Variants in SLC12A8 observed in about 807,000 individuals in gnomAD.
SLC12A8 encodes cation-chloride cotransporter 9.
A neutral mutation model predicts 75.6 loss-of-function variants in SLC12A8; 69 were observed. The ratio of observed to expected loss-of-function variants is 0.91; its 90% CI spans 0.75 to 1.11. The LOEUF (loss-of-function observed/expected upper bound fraction) is 1.11, where lower values mean the gene tolerates loss of function less well. SLC12A8 is among the 50% of genes most tolerant of loss of function. The pLI is 0.00. For missense variants in SLC12A8, 877 were observed against 896.7 expected, an observed-to-expected ratio of 0.98 and a Z score of 0.28; for synonymous variants, 365 against 372.8, an observed-to-expected ratio of 0.98 and a Z score of 0.24.
intron 5 of SLC12A8, among the ~76,000 whole-genome samples, chr3:125,141,900 G>A (rs568013736): frequency 6.6e-6 from 1 of 152,210 alleles, no homozygotes; most frequent in Admixed American, 6.5e-5. Flanking sequence ...CAGGAAGAGC[G>A]GCTCTGCGAG....
intron 10 of SLC12A8, among the ~76,000 whole-genome samples, chr3:125,096,318 CTAT>C (rs1275225009): frequency 6.6e-6 from 1 of 152,198 alleles, no homozygotes; most frequent in Non-Finnish European, 1.5e-5. Flanking sequence ...TCCCATTACT[CTAT>C]TATTATTCAT....
At chr3:125,132,999 G>T (rs534714354) in intron 6 of SLC12A8, among the ~76,000 whole-genome samples, 42 of 152,254 alleles carry the variant, frequency 2.8e-4, no homozygotes, top group African/African-American at 8.7e-4. Context: ...AAAAATGCAC[G>T]CTGCATTTAG....
chr3:125,200,594 T>C (rs1003876720), intron 2 of SLC12A8, among the ~76,000 whole-genome samples: 4 of 152,342 alleles, frequency 2.6e-5, no homozygotes, highest in Admixed American at 2.0e-4. Context: ...GTCATTTTAT[T>C]CAGTGGATGA....
intron 5 of SLC12A8, among the ~76,000 whole-genome samples, chr3:125,143,567 G>A (rs1481725316): frequency 6.6e-6 from 1 of 152,368 alleles, no homozygotes; most frequent in East Asian, 1.9e-4. Context: ...ATACACAGAG[G>A]GAGGGCTGGG....
chr3:125,114,430 G>A (rs534613648), intron 8 of SLC12A8, among the ~76,000 whole-genome samples: 2 of 152,278 alleles, frequency 1.3e-5, no homozygotes, highest in South Asian at 4.1e-4. Context: ...TTTTAGGGGG[G>A]TTTTGTATTT....
At chr3:125,098,554 C>CCACACA (rs3222429) in intron 10 of SLC12A8, among the ~76,000 whole-genome samples, 10,520 of 143,894 alleles carry the variant, frequency 0.073, 416 homozygotes, top group South Asian at 0.12. Flanking sequence ...TGAATCTTCT[C>CCACACA]CACACACACA....
At chr3:125,110,094 T>C (rs1939148980) in intron 9 of SLC12A8, 95 bp downstream of exon 9, 2 of 1,290,632 alleles carry the variant, frequency 1.5e-6, no homozygotes, top group African/African-American at 3.0e-5. Flanking sequence ...GACCAGAGGC[T>C]CTGATCAGAA....
At chr3:125,188,889 G>C (rs1011768141) in intron 3 of SLC12A8, among the ~76,000 whole-genome samples, 2 of 152,216 alleles carry the variant, frequency 1.3e-5, no homozygotes, top group Non-Finnish European at 2.9e-5. Flanking sequence ...TGTAGAATGA[G>C]AGCTTAGGAA....
chr3:125,131,638 T>C (rs1933360779), intron 6 of SLC12A8, among the ~76,000 whole-genome samples: 2 of 152,158 alleles, frequency 1.3e-5, no homozygotes, highest in Non-Finnish European at 1.5e-5. Flanking sequence ...TCTGCCCACG[T>C]CATCCTCCCA....
intron 5 of SLC12A8, among the ~76,000 whole-genome samples, chr3:125,143,305 G>A (rs1027346350): frequency 2.0e-5 from 3 of 152,350 alleles, no homozygotes; most frequent in Middle Eastern, 3.4e-3. Flanking sequence ...CGGCTGTATT[G>A]CGTTGGACTG....
In SLC12A8 at chr3:125,194,314, C is replaced by T. The variant is rs534589643; in HGVS notation, c.52-3793G>A. Reference sequence around the variant, plus strand: ...CAGGACAAGAAGCCAGACTCCTGTCCCTCTGAGCCCAGGGGCCTGCGCCCC... The same window carrying T: ...CAGGACAAGAAGCCAGACTCCTGTCTCTCTGAGCCCAGGGGCCTGCGCCCC... On this transcript the variant is annotated intron_variant, in intron 2 of 13. Coordinates refer to ENST00000469902, the MANE Select transcript of SLC12A8 (RefSeq NM_024628.6). 2.7e-4 allele frequency among the ~76,000 whole-genome samples: 41 copies of T among 152,334 alleles called. 1 individual carries two copies. In the South Asian group the frequency reaches 6.8e-3, roughly 25 times the overall value.
intron 4 of SLC12A8, among the ~76,000 whole-genome samples, chr3:125,185,095 C>T (rs926613001): frequency 5.9e-5 from 9 of 152,022 alleles, no homozygotes; most frequent in South Asian, 2.1e-4. Context: ...CCGAGGCGGG[C>T]GGATCACCTC....
At chr3:125,110,764 A>G (rs1056983080) in intron 8 of SLC12A8, 1 of 155,480 alleles carries the variant, frequency 6.4e-6, no homozygotes, top group African/African-American at 2.4e-5. Flanking sequence ...AGATGAGTTT[A>G]AATCTTCAGA....
At chr3:125,162,224 A>AT (rs755508346) in intron 5 of SLC12A8, among the ~76,000 whole-genome samples, 4 of 152,158 alleles carry the variant, frequency 2.6e-5, no homozygotes, top group Non-Finnish European at 4.4e-5. Flanking sequence ...TTTTTGATTC[A>AT]TCCTTAATTC....
At chr3:125,131,984 G>T (rs957186177) in intron 6 of SLC12A8, among the ~76,000 whole-genome samples, 7 of 152,166 alleles carry the variant, frequency 4.6e-5, no homozygotes, top group African/African-American at 1.4e-4. Context: ...TAAGCATAGG[G>T]TTCCCAATCT....
In SLC12A8 at chr3:125,083,244, C is replaced by T. The variant is rs1200754206; in HGVS notation, c.*646G>A. 1 of 152,120 alleles carries T rather than the reference C, an allele frequency of 6.6e-6. No individual in the cohort carries two copies. The highest frequency in any genetic ancestry group is 2.4e-5 in the African/African-American group (1 of 41,402). The allele number at this position is 152,120 out of a possible 1,614,324, so 9.4% of individuals were successfully genotyped here. ...CATACACTTATTGTGGCCCTCTGCACAAGCAATCTGGTTGTGCAGAGTCTT... is the reference window on the plus strand; with the variant it reads ...CATACACTTATTGTGGCCCTCTGCATAAGCAATCTGGTTGTGCAGAGTCTT... On this transcript the variant is annotated 3_prime_UTR_variant, in exon 14 of 14. Coordinates refer to ENST00000469902, the MANE Select transcript of SLC12A8 (RefSeq NM_024628.6).
In SLC12A8 at chr3:125,198,944, AT is replaced by A. The variant is rs534695218; in HGVS notation, c.52-8424del. ...AGGCACCCGCCACCACGCCCGGCTAATTTTTTTGAATTTTTAGTAGAGATGG... is the reference window on the plus strand; with the variant it reads ...AGGCACCCGCCACCACGCCCGGCTAATTTTTTGAATTTTTAGTAGAGATGG... On this transcript the variant is annotated intron_variant, in intron 2 of 13. Coordinates refer to ENST00000469902, the MANE Select transcript of SLC12A8 (RefSeq NM_024628.6). 8.8e-3 allele frequency among the ~76,000 whole-genome samples: 1,328 copies of A among 151,702 alleles called. 21 individuals are homozygous for A. The highest frequency in any genetic ancestry group is 0.028 in the African/African-American group (1,168 of 41,350).
Position 125,120,847 on chromosome 3 carries a change from T to A in SLC12A8, c.737-161A>T, listed in dbSNP as rs1023449209. On this transcript the variant is annotated intron_variant, in intron 6 of 13. Transcript: ENST00000469902. ...GCATAGGCTGCTTTTCAATCTCCCCTGGCAACTAGGGAGGCATCCCTGTGG... is the reference window on the plus strand; with the variant it reads ...GCATAGGCTGCTTTTCAATCTCCCCAGGCAACTAGGGAGGCATCCCTGTGG... The A allele has an allele frequency of 5.6e-6, 4 of 709,756 alleles. No homozygotes were observed. In the African/African-American group the frequency reaches 7.0e-5, roughly 12 times the overall value. 44.0% of individuals were successfully genotyped at this position (709,756 alleles called of 1,614,324 possible).
intron 5 of SLC12A8, among the ~76,000 whole-genome samples, chr3:125,149,261 C>T (rs1467461074): frequency 2.6e-5 from 4 of 152,264 alleles, no homozygotes; most frequent in Non-Finnish European, 5.9e-5. Context: ...CCCACGGCCT[C>T]TTCAGCCCAT....
Sources: allele counts gnomAD v4.1 joint callset (sites outside exome capture counted in the v4.1 genomes callset), GRCh38; gene constraint gnomAD v4.1.1; transcripts MANE v1.5; gene names NCBI Gene and HGNC (gene_info 2026-07-23, HGNC 2026-07-21).